DIP2B: variants seen among roughly 807,000 people sequenced by gnomAD.
The protein encoded by DIP2B is disco-interacting protein 2 homolog B.
DIP2B carries 76 observed loss-of-function variants against 198.0 expected under a neutral mutation model. The observed-to-expected ratio is 0.38, with a 90% CI of 0.32 to 0.46. The LOEUF (loss-of-function observed/expected upper bound fraction) is 0.46. Ranked by LOEUF, DIP2B falls within the 20% of genes least tolerant of loss-of-function variation. DIP2B has a pLI of 0.99. For synonymous variants in DIP2B, 701 were observed against 739.1 expected (o/e 0.95, Z 0.84); for missense variants, 1,559 against 1,978.4 (o/e 0.79, Z 4.02).
At chr12:50,710,337 G>A (rs1939593239) in intron 22 of DIP2B, among the ~76,000 whole-genome samples, 1 of 152,064 alleles carries the variant, frequency 6.6e-6, no homozygotes, top group Non-Finnish European at 1.5e-5. Context: ...TCTACTTGGG[G>A]AATTTGAATT....
At chr12:50,714,728 C>T (rs1939682218) in intron 23 of DIP2B, 132 bp downstream of exon 23, 4 of 1,080,040 alleles carry the variant, frequency 3.7e-6, no homozygotes, top group South Asian at 1.5e-5. Flanking sequence ...TCGTGTGAGC[C>T]CAGGAGCTCG....
chr12:50,694,449 C>T (rs1220989714), intron 14 of DIP2B, among the ~76,000 whole-genome samples: 1 of 151,782 alleles, frequency 6.6e-6, no homozygotes, highest in Non-Finnish European at 1.5e-5. Context: ...GAGCCGAGAT[C>T]GCACCACTGT....
intron 1 of DIP2B, among the ~76,000 whole-genome samples, chr12:50,559,313 C>CTTTTTTTTT (rs11301460): frequency 2.4e-5 from 3 of 123,040 alleles, no homozygotes; most frequent in South Asian, 2.5e-4. Flanking sequence ...AATTATTTGT[C>CTTTTTTTTT]TTTTTTTTTT....
intron 37 of DIP2B, among the ~76,000 whole-genome samples, chr12:50,742,087 T>A: frequency 6.6e-6 from 1 of 152,064 alleles, no homozygotes; most frequent in Admixed American, 6.6e-5. Flanking sequence ...CATATTGACT[T>A]AAAATCTGTA....
At chr12:50,739,618 C>CA in intron 36 of DIP2B, 32 bp downstream of exon 36, 1 of 1,608,452 alleles carries the variant, frequency 6.2e-7, no homozygotes, top group Non-Finnish European at 8.5e-7. Flanking sequence ...ATTGACCCTG[C>CA]TTTGTGTTTC....
intron 1 of DIP2B, among the ~76,000 whole-genome samples, chr12:50,601,467 CCTGAGTAG>C: frequency 6.6e-6 from 1 of 151,974 alleles, no homozygotes; most frequent in Admixed American, 6.5e-5. Flanking sequence ...GCCTCAGCCT[CCTGAGTAG>C]CTGAGACTAG....
chr12:50,531,971 G>A (rs932121279), intron 1 of DIP2B, among the ~76,000 whole-genome samples: 1 of 152,194 alleles, frequency 6.6e-6, no homozygotes, highest in African/African-American at 2.4e-5. Context: ...GGGGTAAGAG[G>A]TCTTGGGGAG....
At chr12:50,549,168 T>TC (rs1282245444) in intron 1 of DIP2B, among the ~76,000 whole-genome samples, 32 of 147,838 alleles carry the variant, frequency 2.2e-4, no homozygotes, top group African/African-American at 6.2e-4. Flanking sequence ...TGGGGGCTGG[T>TC]TTAAAAAAAA....
chr12:50,722,700 G>A (rs1441813091), intron 26 of DIP2B, among the ~76,000 whole-genome samples: 2 of 152,222 alleles, frequency 1.3e-5, no homozygotes, highest in Non-Finnish European at 2.9e-5. Context: ...AAGGACCTGA[G>A]CTCTTCCTGA....
At chr12:50,664,094 C>T (rs1938704307) in intron 4 of DIP2B, among the ~76,000 whole-genome samples, 2 of 152,008 alleles carry the variant, frequency 1.3e-5, no homozygotes, top group African/African-American at 4.8e-5. Flanking sequence ...CTAGAGTGCA[C>T]CAGCCAGTCA....
At chr12:50,664,374 G>A (rs1434585885) in intron 4 of DIP2B, among the ~76,000 whole-genome samples, 1 of 152,140 alleles carries the variant, frequency 6.6e-6, no homozygotes, top group Non-Finnish European at 1.5e-5. Flanking sequence ...TCTATCTTGT[G>A]AATTAGAAAA....
chr12:50,718,604 A>G (rs1939776939), intron 23 of DIP2B, 105 bp from the exon 24 acceptor site: 1 of 953,662 alleles, frequency 1.0e-6, no homozygotes, highest in Non-Finnish European at 1.6e-6. Context: ...TTCAGGCAGT[A>G]TTGTTGGATG....
intron 3 of DIP2B, chr12:50,655,129 C>T (rs1206743361): frequency 2.6e-6 from 1 of 387,622 alleles, no homozygotes; most frequent in Non-Finnish European, 5.2e-6. Context: ...ATCTACATGC[C>T]CAGACATAGG....
intron 1 of DIP2B, among the ~76,000 whole-genome samples, chr12:50,547,701 T>TA (rs1271627625): frequency 6.6e-5 from 10 of 152,302 alleles, no homozygotes; most frequent in Admixed American, 6.5e-4. Context: ...TGTACTGAGC[T>TA]AAAAAATATC....
intron 1 of DIP2B, among the ~76,000 whole-genome samples, chr12:50,547,316 A>C (rs1178724163): frequency 1.3e-5 from 2 of 152,244 alleles, no homozygotes; most frequent in African/African-American, 2.4e-5. Flanking sequence ...CTTAGTGGAA[A>C]TATTCATTGA....
At chr12:50,728,789 T>TA (rs3832876) in intron 30 of DIP2B, 111 bp downstream of exon 30, 400,110 of 1,411,564 alleles carry the variant, frequency 0.28, 59,685 homozygotes, top group East Asian at 0.36. Flanking sequence ...AGTAAAATGC[T>TA]AGTGTTTCCA....
rs947085112 is a variant in DIP2B, at chr12:50,731,248, A to C, written c.3642-121A>C. The C allele has an allele frequency of 1.4e-5, 17 of 1,185,442 alleles. 1 individual carries two copies. The highest frequency in any genetic ancestry group is 9.6e-5 in the Admixed American group (4 of 41,554). 73.4% of individuals were successfully genotyped at this position (1,185,442 alleles called of 1,614,324 possible). On this transcript the variant is annotated intron_variant, in intron 30 of 37. Transcript: ENST00000301180. ...ACAAGACTGATTCTTAGAGCTTTAT[A>C]TCTCATATGTCCCTACACTGTCCTT...
chr12:50,511,289 C>CTTTTTT (rs1316212138), intron 1 of DIP2B, among the ~76,000 whole-genome samples: 17 of 20,928 alleles, frequency 8.1e-4, no homozygotes, highest in African/African-American at 2.0e-3. Context: ...AGTGTGATTT[C>CTTTTTT]TATTTTTTTT....
intron 15 of DIP2B, among the ~76,000 whole-genome samples, 157 bp from the exon 16 acceptor site, chr12:50,695,691 G>C (rs1454766983): frequency 6.6e-6 from 1 of 152,158 alleles, no homozygotes; most frequent in Non-Finnish European, 1.5e-5. Flanking sequence ...GATAATTTCT[G>C]CCTCTGAGCT....
Sources: allele counts gnomAD v4.1 joint callset (sites outside exome capture counted in the v4.1 genomes callset), GRCh38; gene constraint gnomAD v4.1.1; transcripts MANE v1.5; gene names NCBI Gene and HGNC (gene_info 2026-07-23, HGNC 2026-07-21).